The following CNTN5 variants were observed in gnomAD, a reference collection of about 807,000 sequenced individuals.
CNTN5 encodes the protein contactin 5.
Under a neutral mutation model 129.1 loss-of-function variants are expected in CNTN5, and 77 were observed. The ratio of observed to expected loss-of-function variants is 0.60; its 90% CI spans 0.50 to 0.72. CNTN5 has a LOEUF of 0.72. Among genes scored for constraint, CNTN5 ranks in the 30% least tolerant of loss-of-function variants. The probability of loss-of-function intolerance (pLI) is 0.00; values close to 1 mark genes in which losing one functional copy is unlikely to be tolerated. For synonymous variants in CNTN5, 509 were observed against 465.6 expected, an observed-to-expected ratio of 1.09 and a Z score of -1.20; for missense variants, 1,478 against 1,328.8, an observed-to-expected ratio of 1.11 and a Z score of -1.75.
chr11:99,572,798 T>G (rs1949217833), intron 3 of CNTN5, among the ~76,000 whole-genome samples: 1 of 152,172 alleles, frequency 6.6e-6, no homozygotes, highest in South Asian at 2.1e-4. Flanking sequence ...GAGAAAACAG[T>G]GAATGATTGT....
chr11:100,223,076 G>A (rs1026056286), intron 15 of CNTN5, among the ~76,000 whole-genome samples: 3 of 152,142 alleles, frequency 2.0e-5, no homozygotes, highest in African/African-American at 7.2e-5. Flanking sequence ...AAGAAGAGAA[G>A]ATGAATTCAG....
At chr11:100,349,212 G>A (rs1565444723) in intron 23 of CNTN5, among the ~76,000 whole-genome samples, 1 of 151,872 alleles carries the variant, frequency 6.6e-6, no homozygotes, top group Admixed American at 6.6e-5. Context: ...GTACACGCAG[G>A]CTTCAATATG....
chr11:99,726,239 G>A (rs913366390), intron 3 of CNTN5, among the ~76,000 whole-genome samples: 1 of 152,170 alleles, frequency 6.6e-6, no homozygotes, highest in African/African-American at 2.4e-5. Flanking sequence ...AAACAGAACA[G>A]GAAGTTACTT....
At chr11:100,179,945 G>C (rs58009661) in intron 13 of CNTN5, among the ~76,000 whole-genome samples, 4,728 of 152,054 alleles carry the variant, frequency 0.031, 245 homozygotes, top group African/African-American at 0.11. Flanking sequence ...AACTTTAGGT[G>C]TAGAACTCCC....
chr11:100,319,595 C>T (rs988707296), intron 21 of CNTN5, among the ~76,000 whole-genome samples: 1 of 152,130 alleles, frequency 6.6e-6, no homozygotes, highest in African/African-American at 2.4e-5. Flanking sequence ...GTGAGAAAAT[C>T]CACTCTCAGC....
At chr11:99,056,090 C>T (rs892574506) in intron 1 of CNTN5, among the ~76,000 whole-genome samples, 4 of 151,878 alleles carry the variant, frequency 2.6e-5, no homozygotes, top group Non-Finnish European at 4.4e-5. Context: ...TTTCATTGAT[C>T]TGATGTTCCC....
chr11:99,988,569 C>A (rs371932596), intron 8 of CNTN5, among the ~76,000 whole-genome samples: 1 of 152,130 alleles, frequency 6.6e-6, no homozygotes, highest in Non-Finnish European at 1.5e-5. Context: ...AAGGAACTTT[C>A]TATTTTCAGG....
In CNTN5 at chr11:99,281,740, C is replaced by A. The variant is rs555969224; in HGVS notation, c.-209-43606C>A. 1.4e-4 allele frequency among the ~76,000 whole-genome samples: 22 copies of A among 151,820 alleles called. No homozygotes were observed. The South Asian group carries it at 4.6e-3, about 32-fold the overall frequency. On this transcript the variant is annotated intron_variant, in intron 1 of 24. Transcript: ENST00000524871. ...AAGATATTGAATTTTCTTCTGAGTACAGTTTATATGTTTTGTTGACTAATA... is the reference window on the plus strand; with the variant it reads ...AAGATATTGAATTTTCTTCTGAGTAAAGTTTATATGTTTTGTTGACTAATA...
intron 1 of CNTN5, among the ~76,000 whole-genome samples, chr11:99,167,939 G>A (rs1860953883): frequency 6.7e-6 from 1 of 148,492 alleles, no homozygotes; most frequent in Non-Finnish European, 1.5e-5. Flanking sequence ...TTCTTATAAT[G>A]ATTTTTTTTT....
At chr11:99,121,263 T>A (rs1858312659) in intron 1 of CNTN5, among the ~76,000 whole-genome samples, 1 of 151,982 alleles carries the variant, frequency 6.6e-6, no homozygotes, top group Non-Finnish European at 1.5e-5. Flanking sequence ...GCCTTCCAAG[T>A]AGCTGGGATT....
At chr11:100,167,328 A>G (rs1396454887) in intron 13 of CNTN5, among the ~76,000 whole-genome samples, 2 of 151,892 alleles carry the variant, frequency 1.3e-5, no homozygotes, top group Non-Finnish European at 2.9e-5. Flanking sequence ...CTTAATTTCA[A>G]TAGCAACAGA....
chr11:99,357,234 C>T (rs1938739682), intron 2 of CNTN5, among the ~76,000 whole-genome samples: 1 of 152,010 alleles, frequency 6.6e-6, no homozygotes, highest in South Asian at 2.1e-4. Flanking sequence ...GCTTCTTAAA[C>T]CTTATTTGCC....
At chr11:99,403,083 T>G (rs1347712787) in intron 2 of CNTN5, among the ~76,000 whole-genome samples, 2 of 150,518 alleles carry the variant, frequency 1.3e-5, no homozygotes, top group Middle Eastern at 7.0e-3. Context: ...TCCAGCTCAC[T>G]GCAAGCTCCA....
intron 2 of CNTN5, among the ~76,000 whole-genome samples, chr11:99,455,883 G>C (rs1944479161): frequency 6.6e-6 from 1 of 152,114 alleles, no homozygotes; most frequent in South Asian, 2.1e-4. Context: ...ATCTTTATTC[G>C]TTAGTCCTAT....
chr11:99,224,314 T>C (rs1860561229), intron 1 of CNTN5, among the ~76,000 whole-genome samples: 1 of 152,202 alleles, frequency 6.6e-6, no homozygotes, highest in Non-Finnish European at 1.5e-5. Context: ...AAGCAATTAT[T>C]ATCTTAGGGA....
rs779761397 is a variant in CNTN5, at chr11:100,299,356, G to A, written c.2580G>A (p.Gly860=). 5.6e-6 allele frequency: 9 copies of A among 1,609,338 alleles called. No individual in the cohort carries two copies. Among genetic ancestry groups the A allele is most frequent in the East Asian group, 4.5e-5 (2 of 44,772 alleles). The change falls in exon 20 of 25, where the codon GGG becomes GGA. Residue 860 remains glycine (G), a synonymous_variant. Transcript: ENST00000524871. ...KVGVYNNKGD[G]PFSQIVVICS... ...GCGTTTATAACAATAAAGGAGATGG[G>A]CCTTTTAGTCAAATTGTGGTCATCT...
chr11:99,077,823 G>T (rs1455862454), intron 1 of CNTN5, among the ~76,000 whole-genome samples: 3 of 152,102 alleles, frequency 2.0e-5, no homozygotes. Flanking sequence ...TTGTGAAGAA[G>T]GTGCCTTGCC....
At chr11:99,335,847 C>T (rs1470488939) in intron 2 of CNTN5, among the ~76,000 whole-genome samples, 1 of 151,946 alleles carries the variant, frequency 6.6e-6, no homozygotes, top group African/African-American at 2.4e-5. Context: ...AGACTCGGAC[C>T]CTCGAGATGA....
chr11:100,286,486 G>A (rs1427436375), intron 18 of CNTN5, among the ~76,000 whole-genome samples: 1 of 150,740 alleles, frequency 6.6e-6, no homozygotes, highest in Non-Finnish European at 1.5e-5. Context: ...GCACCCCCCA[G>A]CAGGGGCACA....
Sources: allele counts gnomAD v4.1 joint callset (sites outside exome capture counted in the v4.1 genomes callset), GRCh38; gene constraint gnomAD v4.1.1; transcripts MANE v1.5; gene names NCBI Gene and HGNC (gene_info 2026-07-23, HGNC 2026-07-21).